Variants in PHACTR3 observed in about 807,000 individuals in gnomAD.
The protein encoded by PHACTR3 is protein phosphatase 1, regulatory subunit 123.
PHACTR3 carries 16 observed loss-of-function variants against 66.8 expected under a neutral mutation model. The observed-to-expected ratio is 0.24, with a 90% confidence interval of 0.16 to 0.36. The LOEUF (loss-of-function observed/expected upper bound fraction) is 0.36. PHACTR3 is among the 10% of genes least tolerant of loss of function. The pLI is 1.00. For synonymous variants in PHACTR3, 323 were observed against 292.1 expected (o/e 1.11, Z -1.08); for missense variants, 647 against 719.9 (o/e 0.90, Z 1.16).
chr20:59,627,441 C>G (rs549220226), intron 1 of PHACTR3, among the ~76,000 whole-genome samples: 2 of 152,308 alleles, frequency 1.3e-5, no homozygotes, highest in East Asian at 1.9e-4. Context: ...CTGGATGACT[C>G]CAAGCGTTCC....
intron 1 of PHACTR3, among the ~76,000 whole-genome samples, chr20:59,635,410 A>G (rs545272683): frequency 1.0e-4 from 15 of 150,532 alleles, no homozygotes; most frequent in Middle Eastern, 3.4e-3. Flanking sequence ...ATTTTTTTGT[A>G]TTTATTAGAG....
In PHACTR3 at chr20:59,829,674, G is replaced by A. The variant is rs1647190233; in HGVS notation, c.1329-6831G>A. On this transcript the variant is annotated intron_variant, in intron 8 of 12. Transcript: ENST00000371015. The surrounding 1 kb of genome is among the most constrained non-coding windows in gnomAD (Gnocchi z 4.2). ...TCTCAGTGACTCAAGGCGGCTGTGG[G>A]GCAGGATTGGCATTCCCAGAAAGGA... Among the ~76,000 whole-genome samples, 1 of 152,250 alleles carries A rather than the reference G, an allele frequency of 6.6e-6. No homozygotes were observed. Among genetic ancestry groups the A allele is most frequent in the Non-Finnish European group, 1.5e-5 (1 of 68,046 alleles).
rs578018813 is a variant in PHACTR3 at position 59,578,438 on chromosome 20, C to A, written c.109+821C>A. On this transcript the variant is annotated intron_variant, in intron 1 of 12. Transcript: ENST00000359926. The stretch of plus-strand genomic sequence containing the variant: ...CACTTATTACAGATTGTTCCAGGGG[C>A]CCCACCCAGGCCTGCCCCTTGCAAT... 3.3e-5 allele frequency among the ~76,000 whole-genome samples: 5 copies of A among 152,322 alleles called. No individual in the cohort carries two copies. In the East Asian group the frequency reaches 7.7e-4, roughly 24 times the overall value.
intron 8 of PHACTR3, among the ~76,000 whole-genome samples, chr20:59,824,230 C>T (rs2042123940): frequency 6.6e-6 from 1 of 152,114 alleles, no homozygotes; most frequent in Admixed American, 6.5e-5. Context: ...GACTGGGACC[C>T]CACCCCCCAT....
chr20:59,635,786 A>G (rs532397919), intron 1 of PHACTR3, among the ~76,000 whole-genome samples: 42 of 152,284 alleles, frequency 2.8e-4, no homozygotes, highest in African/African-American at 9.6e-4. Context: ...TTCTGCTGGG[A>G]CAGGGACTAC....
rs1483260663 is a variant in PHACTR3, at chr20:59,738,926, C to T, written c.119-4181C>T. 6.6e-6 allele frequency among the ~76,000 whole-genome samples: 1 copy of T among 152,138 alleles called. No individual in the cohort carries two copies. The highest frequency in any genetic ancestry group is 1.5e-5 in the Non-Finnish European group (1 of 68,008). ...CCCCTCGTGCAAAGCATGCTCAGGA[C>T]AGCAGGCTTTCCCAGGGCCATGTGG... is the stretch of plus-strand genomic sequence containing the variant. On this transcript the variant is annotated intron_variant, in intron 1 of 12. Transcript: ENST00000371015. The surrounding 1 kb of genome is among the most constrained non-coding windows in gnomAD (Gnocchi z 4.4).
At chr20:59,766,925 C>A (rs1381654156) in intron 4 of PHACTR3, among the ~76,000 whole-genome samples, 1 of 152,182 alleles carries the variant, frequency 6.6e-6, no homozygotes, top group Non-Finnish European at 1.5e-5. Flanking sequence ...GAGGTGGGAG[C>A]TGTGGCATGG....
chr20:59,846,085 C>T (rs1324151160), intron 12 of PHACTR3, among the ~76,000 whole-genome samples: 2 of 152,158 alleles, frequency 1.3e-5, no homozygotes, highest in African/African-American at 4.8e-5. Context: ...AACAAGCCTT[C>T]AACTGTATCA....
intron 3 of PHACTR3, among the ~76,000 whole-genome samples, chr20:59,749,431 T>G (rs77148457): frequency 0.053 from 8,104 of 152,280 alleles, 328 homozygotes; most frequent in African/African-American, 0.11. Context: ...CTCTGAATTT[T>G]TGCAAGATGA....
chr20:59,844,975 CAA>C (rs2059124708), intron 11 of PHACTR3: 1 of 395,596 alleles, frequency 2.5e-6, no homozygotes, highest in East Asian at 4.7e-5. Flanking sequence ...AAAATTTTTA[CAA>C]AGACTTCCAG....
rs567817185 is a variant in PHACTR3, at chr20:59,753,058, G to A, written c.359-2124G>A. ...TGGCTTGTATCTGGGTTGGTGGGCT[G>A]TTATAGCCAAGGGTCAAATGTGGCT... is the stretch of plus-strand genomic sequence containing the variant. On this transcript the variant is annotated intron_variant, in intron 3 of 12. Transcript: ENST00000371015. Among the ~76,000 whole-genome samples, 5 of 152,222 alleles carry A rather than the reference G, an allele frequency of 3.3e-5. No homozygotes were observed. In the South Asian group the frequency reaches 1.0e-3, roughly 32 times the overall value.
At chr20:59,623,270 G>A (rs1535269) in intron 1 of PHACTR3, among the ~76,000 whole-genome samples, 43,643 of 151,862 alleles carry the variant, frequency 0.29, 6,363 homozygotes, top group South Asian at 0.41. Flanking sequence ...GGTCCAGCCC[G>A]TGTTATGACC....
At chr20:59,682,210 T>C (rs2036686261) in intron 1 of PHACTR3, among the ~76,000 whole-genome samples, 1 of 151,512 alleles carries the variant, frequency 6.6e-6, no homozygotes, top group Non-Finnish European at 1.5e-5. Flanking sequence ...TGTGGTGGCG[T>C]GCACCTGTAG....
At chr20:59,744,497 CG>C (rs1011837804) in intron 2 of PHACTR3, among the ~76,000 whole-genome samples, 1 of 152,144 alleles carries the variant, frequency 6.6e-6, no homozygotes, top group African/African-American at 2.4e-5. Context: ...GCTGTTGCCT[CG>C]GGGGGTCCCT....
intron 2 of PHACTR3, among the ~76,000 whole-genome samples, chr20:59,746,941 G>A (rs566020118): frequency 6.6e-6 from 1 of 152,132 alleles, no homozygotes; most frequent in South Asian, 2.1e-4. Context: ...TTGCAAAGCT[G>A]CATCTTTCAA....
At chr20:59,578,433 A>G (rs893625150) in intron 1 of PHACTR3, among the ~76,000 whole-genome samples, 1 of 152,194 alleles carries the variant, frequency 6.6e-6, no homozygotes, top group Non-Finnish European at 1.5e-5. Flanking sequence ...AGATTGTTCC[A>G]GGGGCCCCAC....
chr20:59,808,767 C>T (rs2041644565), intron 8 of PHACTR3, among the ~76,000 whole-genome samples: 1 of 152,206 alleles, frequency 6.6e-6, no homozygotes, highest in Non-Finnish European at 1.5e-5. Context: ...GCTGCCGACA[C>T]TGCTCGCTGC....
chr20:59,788,009 C>T (rs2040971426), intron 7 of PHACTR3, among the ~76,000 whole-genome samples: 1 of 152,086 alleles, frequency 6.6e-6, no homozygotes, highest in African/African-American at 2.4e-5. Context: ...GTGGTATTTG[C>T]TTATGTGAGT....
At chr20:59,773,686 C>T (rs879858306) in intron 6 of PHACTR3, among the ~76,000 whole-genome samples, 1 of 152,330 alleles carries the variant, frequency 6.6e-6, no homozygotes, top group East Asian at 1.9e-4. Flanking sequence ...CTATGGGAAC[C>T]TGGCCACAAA....
Sources: allele counts gnomAD v4.1 joint callset (sites outside exome capture counted in the v4.1 genomes callset), GRCh38; gene constraint gnomAD v4.1.1; non-coding constraint Gnocchi (gnomAD v3.1); transcripts MANE v1.5; gene names NCBI Gene and HGNC (gene_info 2026-07-23, HGNC 2026-07-21).